Variants in SHC2 observed in about 807,000 individuals in gnomAD.
The protein encoded by SHC2 is SHC adaptor protein 2, also known as SHC-transforming protein 2.
SHC2 carries 62 observed loss-of-function variants against 60.6 expected under a neutral mutation model. The observed-to-expected ratio is 1.02, with a 90% CI of 0.83 to 1.26. The LOEUF is 1.26. Among genes scored for constraint, SHC2 ranks in the 50% most tolerant of loss-of-function variants. SHC2 has a pLI of 0.00. For synonymous variants in SHC2, 375 were observed against 372.4 expected, an observed-to-expected ratio of 1.01 and a Z score of -0.08; for missense variants, 873 against 822.2, an observed-to-expected ratio of 1.06 and a Z score of -0.76.
chr19:437,648 G>A (rs752092005), intron 4 of SHC2, among the ~76,000 whole-genome samples: 2 of 152,032 alleles, frequency 1.3e-5, no homozygotes, highest in South Asian at 2.1e-4. Context: ...TGGAAATTGC[G>A]TGGAAATGGC....
intron 9 of SHC2, among the ~76,000 whole-genome samples, chr19:428,451 G>T (rs745654929): frequency 4.6e-5 from 7 of 152,358 alleles, no homozygotes; most frequent in African/African-American, 1.2e-4. Context: ...ATGTAACCAT[G>T]AGGAAGTCTG....
chr19:441,070 T>A lies in SHC2; in HGVS notation c.469-138A>T. On this transcript the variant is annotated intron_variant, in intron 1 of 12. Transcript: ENST00000264554. The surrounding 1 kb of genome is among the most constrained non-coding windows in gnomAD (Gnocchi z 4.9). Reference sequence around the variant, plus strand: ...TCTGTCCCTGGTGGCTCTGGGGCCGTCGTGCCTCCCCCACCTCAAGGCCCA... The same window carrying A: ...TCTGTCCCTGGTGGCTCTGGGGCCGACGTGCCTCCCCCACCTCAAGGCCCA... 2.0e-6 allele frequency: 3 copies of A among 1,493,364 alleles called. No homozygotes were observed. Among genetic ancestry groups the A allele is most frequent in the Non-Finnish European group, 2.7e-6 (3 of 1,113,944 alleles). The allele number at this position is 1,493,364 out of a possible 1,614,324, so 92.5% of individuals were successfully genotyped here.
Position 438,635 on chromosome 19 carries a change from C to T in SHC2, c.720+83G>A, listed in dbSNP as rs924684417. 1.4e-6 allele frequency: 2 copies of T among 1,462,436 alleles called. No homozygotes were observed. The highest frequency in any genetic ancestry group is 1.8e-6 in the Non-Finnish European group (2 of 1,089,790). 90.6% of individuals were successfully genotyped at this position (1,462,436 alleles called of 1,614,324 possible). A position where few individuals can be genotyped will look rare whatever the true frequency, so the allele number is the denominator to read the frequency against. On this transcript the variant is annotated intron_variant, in intron 4 of 12. Coordinates refer to ENST00000264554, the MANE Select transcript of SHC2 (RefSeq NM_012435.3). The surrounding 1 kb of genome is among the most constrained non-coding windows in gnomAD (Gnocchi z 5.0). ...GATAAACGCCACCTGCTGCCCGCCCCCAGCACCCCACCTGGCTTTGCCTCC... is the reference window on the plus strand; with the variant it reads ...GATAAACGCCACCTGCTGCCCGCCCTCAGCACCCCACCTGGCTTTGCCTCC...
intron 5 of SHC2, 96 bp downstream of exon 5, chr19:436,534 C>A: frequency 6.3e-7 from 1 of 1,581,544 alleles, no homozygotes. Context: ...GATGTGGGCA[C>A]AGGGTACGTT....
intron 1 of SHC2, among the ~76,000 whole-genome samples, chr19:459,441 C>CCAGCGTAGGGGGAAGGACCCCTCTCAACT (rs1568301664): frequency 1.1e-3 from 86 of 76,332 alleles, no homozygotes; most frequent in African/African-American, 3.6e-3. Flanking sequence ...CCCACTGAAC[C>CCAGCGTAGGGGGAAGGACCCCTCTCAACT]CAGCGTAGGG....
rs556918474 is a variant in SHC2 at position 439,087 on chromosome 19, T to C, written c.540-57A>G. The C allele has an allele frequency of 3.5e-4, 163 of 464,974 alleles. 4 individuals carry two copies. The Admixed American group carries it at 0.011, about 31-fold the overall frequency. The allele number at this position is 464,974 out of a possible 1,614,324, so 28.8% of individuals were successfully genotyped here. ...TGGTGGGGGTGGCCATGGAGGGAGCTGGGGAGGAAGGGGTCAGAGAGGGCG... is the reference window on the plus strand; with the variant it reads ...TGGTGGGGGTGGCCATGGAGGGAGCCGGGGAGGAAGGGGTCAGAGAGGGCG... On this transcript the variant is annotated intron_variant, in intron 2 of 12. Transcript: ENST00000264554.
At position 436,179 on chromosome 19, in the gene SHC2, C is replaced by T. The variant is rs548044064; in HGVS notation, c.939G>A (p.Ala313=). The T allele has an allele frequency of 5.1e-5, 82 of 1,610,816 alleles. No individual in the cohort carries two copies. The South Asian group carries it at 6.0e-4, about 12-fold the overall frequency. The change falls in exon 7 of 13, where the codon GCG becomes GCA. Residue 313 remains alanine, a synonymous_variant. Coordinates refer to ENST00000264554, the MANE Select transcript of SHC2 (RefSeq NM_012435.3). ...KQYLHSPPKV[A]LPPERLAGPE... is the part of the protein sequence containing the mutation. ...GCTCTGGTTACCTTTCTGGGGGCAG[C>T]GCCACCTTGGGCGGGCTGTGCAGGT...
chr19:458,101 CGGGGAGGCAGAAGCGGGTCTT>C (rs1309750877), intron 1 of SHC2, among the ~76,000 whole-genome samples: 1,933 of 123,834 alleles, frequency 0.016, 88 homozygotes, highest in Middle Eastern at 0.052. Context: ...AAGTGGGTCC[CGGGGAGGCAGAAGCGGGTCTT>C]GGGGAGGCGG....
Position 422,961 on chromosome 19 carries a change from C to T in SHC2, c.1310-505G>A. 1 of 164,062 alleles carries T rather than the reference C, an allele frequency of 6.1e-6. No individual in the cohort carries two copies. The highest frequency in any genetic ancestry group is 1.7e-4 in the South Asian group (1 of 5,844). The allele number at this position is 164,062 out of a possible 1,614,324, so 10.2% of individuals were successfully genotyped here. On this transcript the variant is annotated intron_variant, in intron 10 of 12. Coordinates refer to ENST00000264554, the MANE Select transcript of SHC2 (RefSeq NM_012435.3). The surrounding 1 kb of genome is among the most constrained non-coding windows in gnomAD (Gnocchi z 5.0). The stretch of plus-strand genomic sequence containing the variant: ...TCCGACAGGCCACTCTAAGGCTCTC[C>T]TCTGAGTGTCAGTCCCCTCATTGTC...
Position 434,884 on chromosome 19 carries a change from C to T in SHC2, c.954-19G>A, listed in dbSNP as rs140560000. On this transcript the variant is annotated intron_variant, in intron 7 of 12. Transcript: ENST00000264554. ...TGCCAGCCTGGGGGACAGACAACAA[C>T]GGCCATGGCACAGGCAGGGCCCAAG... 439 of 1,605,324 alleles carry T rather than the reference C, an allele frequency of 2.7e-4. 2 individuals are homozygous for T. In the African/African-American group the frequency reaches 3.8e-3, roughly 14 times the overall value.
At chr19:443,393 A>G (rs1196837038) in intron 1 of SHC2, among the ~76,000 whole-genome samples, 115 of 77,498 alleles carry the variant, frequency 1.5e-3, no homozygotes, top group Middle Eastern at 0.012. Context: ...TGGGTGGATG[A>G]ATGGATGGAT....
intron 8 of SHC2, 93 bp from the exon 9 acceptor site, chr19:430,840 G>A (rs933521594): frequency 1.7e-6 from 2 of 1,183,182 alleles, no homozygotes; most frequent in African/African-American, 1.5e-5. Flanking sequence ...CTCTTAGATG[G>A]CTGGAGACTT....
rs1568301763 is a variant in SHC2, at chr19:459,524, CAACTCAGTGTAGAGGGAAGGACCCTACTG to C, written c.468+976_468+1004del. 5.2e-3 allele frequency among the ~76,000 whole-genome samples: 641 copies of C among 122,372 alleles called. 7 individuals carry two copies. Among genetic ancestry groups the C allele is most frequent in the African/African-American group, 0.016 (529 of 32,242 alleles). 80.3% of individuals were successfully genotyped at this position (122,372 alleles called of 152,430 possible). On this transcript the variant is annotated intron_variant, in intron 1 of 12. Coordinates refer to ENST00000264554, the MANE Select transcript of SHC2 (RefSeq NM_012435.3). The stretch of plus-strand genomic sequence containing the variant: ...CCAGCGTAGGGGGAAGGACCCTTCT[CAACTCAGTGTAGAGGGAAGGACCCTACTG>C]AACTCAGCGTAGGGGGAAGGACCCC...
At chr19:436,126 G>A (rs1302574755) in intron 7 of SHC2, 39 bp downstream of exon 7, 1 of 1,603,778 alleles carries the variant, frequency 6.2e-7, no homozygotes, top group Admixed American at 1.7e-5. Flanking sequence ...CAGGTCACTG[G>A]GGGTGTCCCC....
rs3764573 is a variant in SHC2 at position 419,075 on chromosome 19, G to C, written c.1621-19C>G. On this transcript the variant is annotated intron_variant, in intron 11 of 12. Coordinates refer to ENST00000264554, the MANE Select transcript of SHC2 (RefSeq NM_012435.3). ...TCCGTACCTGCGGGACAGAGACCTC[G>C]GCATCAGCTCCCGGGAGCCCGCCTG... The C allele has an allele frequency of 6.4e-7, 1 of 1,561,792 alleles. No homozygotes were observed. Among genetic ancestry groups the C allele is most frequent in the South Asian group, 1.2e-5 (1 of 85,318 alleles).
At chr19:423,561 CT>C (rs890163847) in intron 10 of SHC2, among the ~76,000 whole-genome samples, 3 of 54,632 alleles carry the variant, frequency 5.5e-5, no homozygotes, top group Admixed American at 1.5e-4. Context: ...TCCTCCCCCC[CT>C]GACCCTCACT....
chr19:452,977 G>T (rs1975238048), intron 1 of SHC2, among the ~76,000 whole-genome samples: 1 of 152,198 alleles, frequency 6.6e-6, no homozygotes, highest in Non-Finnish European at 1.5e-5. Context: ...AGGGAGAACG[G>T]CCGGAGTCTC....
At chr19:439,205 A>C (rs1974796356) in intron 2 of SHC2, 175 bp from the exon 3 acceptor site, 1 of 249,140 alleles carries the variant, frequency 4.0e-6, no homozygotes, top group Non-Finnish European at 7.9e-6. Flanking sequence ...CAGGGGGCCT[A>C]AAGTGGGCAG....
At position 436,642 on chromosome 19, in the gene SHC2, T is replaced by G. The variant is rs1232675638; in HGVS notation, c.762A>C (p.Ser254=). ...TCCCTGGCCTCACCGTGTCTCCGCC[T>G]GACGCGAAGGAGATGGACGGCATGT... The part of the protein sequence containing the change: ...NHHMPSISFA[S]GGDTDMTDYV... Residue 254 remains serine, a synonymous_variant, in exon 5 of 13, where the codon TCA becomes TCC. Transcript: ENST00000264554. 3 of 1,607,190 alleles carry G rather than the reference T, an allele frequency of 1.9e-6. No homozygotes were observed. Among genetic ancestry groups the G allele is most frequent in the Non-Finnish European group, 2.5e-6 (3 of 1,179,032 alleles).
Sources: gnomAD v4.1 joint callset for allele counts (sites outside exome capture counted in the v4.1 genomes callset) on GRCh38, gnomAD v4.1.1 for gene constraint, Gnocchi (gnomAD v3.1) non-coding constraint, MANE v1.5 for transcripts, NCBI Gene and HGNC (gene_info 2026-07-23, HGNC 2026-07-21) for gene names.